The following NELL1 variants were observed in gnomAD, a reference collection of about 807,000 sequenced individuals.
NELL1 encodes the protein protein kinase C-binding protein NELL1.
NELL1 carries 76 observed loss-of-function variants against 107.4 expected under a neutral mutation model. The observed-to-expected ratio is 0.71, with a 90% confidence interval of 0.59 to 0.86. The LOEUF is 0.86. Ranked by LOEUF, NELL1 falls within the 40% of genes least tolerant of loss-of-function variation. The probability of loss-of-function intolerance (pLI) is 0.00; values close to 1 mark genes in which losing one functional copy is unlikely to be tolerated. For missense variants in NELL1, 1,024 were observed against 1,005.5 expected, an observed-to-expected ratio of 1.02 and a Z score of -0.25; for synonymous variants, 353 against 341.2, an observed-to-expected ratio of 1.03 and a Z score of -0.38.
chr11:21,270,900 A>G (rs956892288), intron 14 of NELL1, among the ~76,000 whole-genome samples: 1 of 152,192 alleles, frequency 6.6e-6, no homozygotes, highest in Non-Finnish European at 1.5e-5. Context: ...ATTGGGGATT[A>G]AACAACACAC....
At chr11:21,125,769 C>A (rs761518982) in intron 13 of NELL1, among the ~76,000 whole-genome samples, 1 of 152,124 alleles carries the variant, frequency 6.6e-6, no homozygotes, top group Admixed American at 6.5e-5. Flanking sequence ...GTGCCTGTTG[C>A]TTGAGAAATA....
intron 12 of NELL1, among the ~76,000 whole-genome samples, chr11:21,000,089 T>A (rs1248329983): frequency 6.6e-6 from 1 of 152,272 alleles, no homozygotes; most frequent in South Asian, 2.1e-4. Flanking sequence ...TGGCAATGAT[T>A]GACTAAATCA....
At chr11:21,280,382 T>G (rs1040550900) in intron 14 of NELL1, among the ~76,000 whole-genome samples, 3 of 152,190 alleles carry the variant, frequency 2.0e-5, no homozygotes, top group Non-Finnish European at 2.9e-5. Flanking sequence ...CAGGTGAGCA[T>G]TCACAGTACC....
chr11:21,386,866 A>G (rs1247805415), intron 15 of NELL1, among the ~76,000 whole-genome samples: 1 of 151,936 alleles, frequency 6.6e-6, no homozygotes, highest in Admixed American at 6.6e-5. Context: ...AATTAGAGTC[A>G]GAATGGTGAA....
At chr11:21,465,290 T>C (rs551211913) in intron 15 of NELL1, among the ~76,000 whole-genome samples, 3 of 152,212 alleles carry the variant, frequency 2.0e-5, no homozygotes, top group African/African-American at 7.2e-5. Context: ...ATACAAAGTA[T>C]TGGCAGCTAA....
intron 4 of NELL1, among the ~76,000 whole-genome samples, chr11:20,861,967 A>T (rs1848987062): frequency 1.3e-5 from 2 of 152,252 alleles, no homozygotes; most frequent in South Asian, 4.1e-4. Context: ...GGTTGCTAAT[A>T]ACAGTGGCTG....
At chr11:21,461,232 G>A (rs1853893120) in intron 15 of NELL1, among the ~76,000 whole-genome samples, 1 of 152,076 alleles carries the variant, frequency 6.6e-6, no homozygotes, top group South Asian at 2.1e-4. Context: ...GATACAAGAA[G>A]TCAGTGAATG....
intron 7 of NELL1, among the ~76,000 whole-genome samples, chr11:20,920,550 G>A (rs1850355663): frequency 6.6e-6 from 1 of 152,068 alleles, no homozygotes; most frequent in South Asian, 2.1e-4. Flanking sequence ...TGAAACGCAG[G>A]TGATTATTTA....
rs185681613 is a variant in NELL1 at position 21,265,894 on chromosome 11, C to T, written c.1549+36440C>T. 1.6e-3 allele frequency among the ~76,000 whole-genome samples: 237 copies of T among 152,134 alleles called. 1 individual carries two copies. In the Middle Eastern group the frequency reaches 0.031, roughly 20 times the overall value. ...TTAGTTTTTCATTCAAGGCCCTCTA[C>T]CCTCTGACCCCAATTTACTTTCCCT... is the stretch of plus-strand genomic sequence containing the variant. On this transcript the variant is annotated intron_variant, in intron 14 of 19. Coordinates refer to ENST00000357134, the MANE Select transcript of NELL1 (RefSeq NM_006157.5).
At chr11:21,537,271 G>A (rs1272933836) in intron 16 of NELL1, among the ~76,000 whole-genome samples, 1 of 152,088 alleles carries the variant, frequency 6.6e-6, no homozygotes, top group African/African-American at 2.4e-5. Flanking sequence ...CCTTCCCAAT[G>A]AGTGTAAAAT....
At chr11:21,104,023 A>T (rs750035581) in intron 12 of NELL1, among the ~76,000 whole-genome samples, 10 of 152,066 alleles carry the variant, frequency 6.6e-5, no homozygotes, top group African/African-American at 2.4e-5. Context: ...ATATTTTTTG[A>T]ATTTCCTTTT....
chr11:21,455,033 G>T (rs1170407507), intron 15 of NELL1, among the ~76,000 whole-genome samples: 1 of 152,140 alleles, frequency 6.6e-6, no homozygotes, highest in Non-Finnish European at 1.5e-5. Context: ...AATTTATTCT[G>T]TGTGAAGAAC....
At chr11:20,682,875 A>G (rs951981465) in intron 2 of NELL1, among the ~76,000 whole-genome samples, 12 of 152,018 alleles carry the variant, frequency 7.9e-5, no homozygotes, top group Admixed American at 7.9e-4. Flanking sequence ...TCTTTTACTC[A>G]TTATGGGTAT....
intron 15 of NELL1, among the ~76,000 whole-genome samples, chr11:21,445,871 A>G (rs1005359066): frequency 6.6e-6 from 1 of 152,164 alleles, no homozygotes; most frequent in Non-Finnish European, 1.5e-5. Flanking sequence ...TAAATATGTT[A>G]TGATACTTTC....
chr11:20,686,012 G>C (rs916215977), intron 2 of NELL1, among the ~76,000 whole-genome samples: 9 of 152,102 alleles, frequency 5.9e-5, no homozygotes, highest in African/African-American at 2.2e-4. Flanking sequence ...GTCTGGAAAT[G>C]GGACGAATAA....
chr11:20,904,025 G>A (rs1456207688), intron 5 of NELL1, among the ~76,000 whole-genome samples: 1 of 152,076 alleles, frequency 6.6e-6, no homozygotes, highest in Non-Finnish European at 1.5e-5. Context: ...AGTGAGCAGA[G>A]CAGACCTTAT....
In NELL1 at chr11:20,866,670, G is replaced by A. The variant is rs139070833; in HGVS notation, c.507-18774G>A. 7.2e-5 allele frequency among the ~76,000 whole-genome samples: 11 copies of A among 152,338 alleles called. No individual in the cohort carries two copies. In the East Asian group the frequency reaches 2.1e-3, roughly 29 times the overall value. On this transcript the variant is annotated intron_variant, in intron 4 of 19. Transcript: ENST00000357134. ...ATTGGAAATTTCCTTGGAAGGCCTTGTGCATGAGCTTCTGGAGGGAGGTGG... is the reference window on the plus strand; with the variant it reads ...ATTGGAAATTTCCTTGGAAGGCCTTATGCATGAGCTTCTGGAGGGAGGTGG...
At chr11:20,675,383 T>C (rs923088966) in intron 1 of NELL1, among the ~76,000 whole-genome samples, 1 of 152,194 alleles carries the variant, frequency 6.6e-6, no homozygotes, top group African/African-American at 2.4e-5. Flanking sequence ...ATGTCATCCG[T>C]CATCTCATAC....
chr11:20,723,807 C>A (rs1204088523), intron 2 of NELL1, among the ~76,000 whole-genome samples: 1 of 152,196 alleles, frequency 6.6e-6, no homozygotes, highest in Non-Finnish European at 1.5e-5. Flanking sequence ...TCTGCCCCTG[C>A]AGTAGAATTC....
Sources: gnomAD v4.1 joint callset for allele counts (sites outside exome capture counted in the v4.1 genomes callset) on GRCh38, gnomAD v4.1.1 for gene constraint, MANE v1.5 for transcripts, NCBI Gene and HGNC (gene_info 2026-07-23, HGNC 2026-07-21) for gene names.